Variants in GALNT13 observed in about 807,000 individuals in gnomAD.
GALNT13 encodes UDP-GalNAc:polypeptide N-acetylgalactosaminyltransferase 13.
Under a neutral mutation model 64.2 loss-of-function variants are expected in GALNT13, and 28 were observed. The observed-to-expected ratio is 0.44, with a 90% CI of 0.32 to 0.60. GALNT13 has a LOEUF of 0.60. Ranked by LOEUF, GALNT13 falls within the 20% of genes least tolerant of loss-of-function variation. The pLI is 0.05. For synonymous variants in GALNT13, 214 were observed against 224.6 expected, an observed-to-expected ratio of 0.95 and a Z score of 0.42; for missense variants, 577 against 669.8, an observed-to-expected ratio of 0.86 and a Z score of 1.53.
the GALNT13 span, among the ~76,000 whole-genome samples, chr2:153,586,463 G>A: frequency 6.6e-6 from 1 of 152,142 alleles, no homozygotes; most frequent in South Asian, 2.1e-4. Context: ...AGGTCATTAT[G>A]TAATGATGAA....
the GALNT13 span, among the ~76,000 whole-genome samples, chr2:153,347,214 G>C: frequency 1.3e-5 from 2 of 152,196 alleles, no homozygotes; most frequent in African/African-American, 2.4e-5. Flanking sequence ...AGCTTCTCCA[G>C]GGGCAGAAGA....
chr2:153,475,517 G>A, the GALNT13 span, among the ~76,000 whole-genome samples: 2 of 152,176 alleles, frequency 1.3e-5, no homozygotes, highest in Non-Finnish European at 2.9e-5. Flanking sequence ...AGATAGAGAA[G>A]ATAGAGGTCT....
At chr2:154,001,844 G>T (rs1695930613) in intron 3 of GALNT13, among the ~76,000 whole-genome samples, 1 of 151,918 alleles carries the variant, frequency 6.6e-6, no homozygotes, top group Non-Finnish European at 1.5e-5. Flanking sequence ...TCAAAGACTT[G>T]TCTGTTAGTT....
the GALNT13 span, among the ~76,000 whole-genome samples, chr2:153,550,005 C>T: frequency 6.6e-6 from 1 of 152,120 alleles, no homozygotes; most frequent in East Asian, 1.9e-4. Flanking sequence ...TAAGAGATTT[C>T]ATGGGATAGG....
At chr2:153,576,182 C>T in the GALNT13 span, among the ~76,000 whole-genome samples, 94 of 152,156 alleles carry the variant, frequency 6.2e-4, no homozygotes, top group Non-Finnish European at 7.6e-4. Flanking sequence ...AGTGGAAAGA[C>T]GGGTCCTCTT....
the GALNT13 span, chr2:153,478,314 G>C: frequency 3.1e-6 from 5 of 1,614,020 alleles, no homozygotes; most frequent in Non-Finnish European, 4.2e-6. Context: ...TCATGCCCTC[G>C]GACTTGATGA....
At chr2:153,286,691 T>C in the GALNT13 span, among the ~76,000 whole-genome samples, 1 of 152,190 alleles carries the variant, frequency 6.6e-6, no homozygotes, top group East Asian at 1.9e-4. Context: ...TCAAAAATCG[T>C]GTTATAATGA....
chr2:154,133,506 CT>C (rs1277763602), intron 3 of GALNT13, among the ~76,000 whole-genome samples: 6 of 127,168 alleles, frequency 4.7e-5, no homozygotes, highest in African/African-American at 1.4e-4. Flanking sequence ...ATTCATCTAA[CT>C]TTTTTTCAGT....
chr2:153,774,983 C>A, the GALNT13 span, among the ~76,000 whole-genome samples: 1 of 152,158 alleles, frequency 6.6e-6, no homozygotes, highest in Non-Finnish European at 1.5e-5. Context: ...CAAGCACATT[C>A]TCTGACAGTA....
At chr2:154,417,252 T>C (rs2105413063) in intron 11 of GALNT13, among the ~76,000 whole-genome samples, 1 of 135,668 alleles carries the variant, frequency 7.4e-6, no homozygotes, top group Middle Eastern at 4.5e-3. Context: ...GTCGAAATTA[T>C]CGCTCCCAGT....
chr2:153,178,561 T>C, the GALNT13 span, among the ~76,000 whole-genome samples: 1 of 152,146 alleles, frequency 6.6e-6, no homozygotes, highest in Admixed American at 6.5e-5. Flanking sequence ...GATATTGTTT[T>C]CTTTCTATAA....
At chr2:154,301,284 A>C in intron 8 of GALNT13, 125 bp from the exon 9 acceptor site, 1 of 761,882 alleles carries the variant, frequency 1.3e-6, no homozygotes, top group Non-Finnish European at 2.2e-6. Flanking sequence ...ATAGTGTACC[A>C]GTTCTAAATT....
At chr2:153,947,425 A>G (rs1691842245) in intron 3 of GALNT13, among the ~76,000 whole-genome samples, 1 of 151,566 alleles carries the variant, frequency 6.6e-6, no homozygotes. Flanking sequence ...ATTTTAAAGT[A>G]ATGATCACTG....
the GALNT13 span, among the ~76,000 whole-genome samples, chr2:153,465,917 TCTC>T: frequency 1.3e-5 from 2 of 151,950 alleles, no homozygotes; most frequent in Admixed American, 6.6e-5. Context: ...ACGGCCAAAA[TCTC>T]CTAACTCAGG....
chr2:153,562,438 A>T, the GALNT13 span, among the ~76,000 whole-genome samples: 520 of 152,250 alleles, frequency 3.4e-3, 1 homozygote, highest in African/African-American at 0.011. Context: ...TAATTCATAC[A>T]CTGTGTCTGT....
chr2:154,261,397 T>G (rs193067305), intron 8 of GALNT13, among the ~76,000 whole-genome samples: 1 of 152,308 alleles, frequency 6.6e-6, no homozygotes, highest in East Asian at 1.9e-4. Context: ...TCTTAATTTA[T>G]GTTTTACTTT....
At chr2:153,653,213 G>A in the GALNT13 span, among the ~76,000 whole-genome samples, 1 of 145,260 alleles carries the variant, frequency 6.9e-6, no homozygotes, top group Non-Finnish European at 1.6e-5. Flanking sequence ...ATCAACACAT[G>A]TGAAGAGAAG....
At chr2:153,371,474 G>A in the GALNT13 span, among the ~76,000 whole-genome samples, 48 of 152,180 alleles carry the variant, frequency 3.2e-4, 1 homozygote, top group Middle Eastern at 6.8e-3. Context: ...GTTTATCCAG[G>A]TTGTAAGGTA....
At chr2:153,968,457 C>T (rs10931861) in intron 3 of GALNT13, among the ~76,000 whole-genome samples, 6 of 152,050 alleles carry the variant, frequency 3.9e-5, no homozygotes, top group Non-Finnish European at 8.8e-5. Context: ...GGTTAGAGTA[C>T]GGGTGTTGTA....
Sources: allele counts gnomAD v4.1 joint callset (sites outside exome capture counted in the v4.1 genomes callset), GRCh38; gene constraint gnomAD v4.1.1; transcripts MANE v1.5; gene names NCBI Gene and HGNC (gene_info 2026-07-23, HGNC 2026-07-21).